The following NCOA1 variants were observed in gnomAD, a reference collection of about 807,000 sequenced individuals.
NCOA1 encodes nuclear receptor coactivator 1.
Under a neutral mutation model 150.9 loss-of-function variants are expected in NCOA1, and 35 were observed. The ratio of observed to expected loss-of-function variants is 0.23; its 90% confidence interval spans 0.18 to 0.31. NCOA1 has a LOEUF of 0.31. NCOA1 is among the 10% of genes least tolerant of loss of function. The pLI is 1.00. For missense variants in NCOA1, 1,491 were observed against 1,749.3 expected, an observed-to-expected ratio of 0.85 and a Z score of 2.63; for synonymous variants, 590 against 630.0, an observed-to-expected ratio of 0.94 and a Z score of 0.95.
intron 11 of NCOA1, among the ~76,000 whole-genome samples, chr2:24,702,169 A>G (rs536965367): frequency 1.3e-5 from 2 of 152,344 alleles, no homozygotes; most frequent in South Asian, 4.1e-4. Flanking sequence ...CCATGTAACA[A>G]CTGAAAATCT....
At chr2:24,599,193 G>A (rs936949873) in intron 3 of NCOA1, among the ~76,000 whole-genome samples, 3 of 152,168 alleles carry the variant, frequency 2.0e-5, no homozygotes, top group East Asian at 3.8e-4. Context: ...AGATGGGCAA[G>A]TGGAATATAA....
chr2:24,749,039 A>G (rs535026641), intron 19 of NCOA1, among the ~76,000 whole-genome samples: 1 of 152,388 alleles, frequency 6.6e-6, no homozygotes, highest in South Asian at 2.1e-4. Context: ...AAAAAAAGAA[A>G]GAAAGAACAC....
At chr2:24,651,630 T>TAAC (rs1478404605) in intron 4 of NCOA1, among the ~76,000 whole-genome samples, 1 of 152,074 alleles carries the variant, frequency 6.6e-6, no homozygotes, top group Non-Finnish European at 1.5e-5. Context: ...ATATATATAA[T>TAAC]AACCATTTTA....
At chr2:24,573,195 A>C (rs562913231) in intron 2 of NCOA1, among the ~76,000 whole-genome samples, 1 of 152,308 alleles carries the variant, frequency 6.6e-6, no homozygotes, top group East Asian at 1.9e-4. Flanking sequence ...AAGAGAAAAG[A>C]AAGCAGATAT....
chr2:24,751,695 T>C (rs1459508794), intron 19 of NCOA1, among the ~76,000 whole-genome samples: 1 of 152,178 alleles, frequency 6.6e-6, no homozygotes, highest in Non-Finnish European at 1.5e-5. Context: ...AAATAGATCA[T>C]ATACAATCCT....
rs1666947727 is a variant in NCOA1, at chr2:24,576,149, G to GTTTTTTTTTGTT, written c.-259-8318_-259-8317insGTTTTTTTTTTT. 8.7e-4 allele frequency among the ~76,000 whole-genome samples: 82 copies of GTTTTTTTTTGTT among 93,974 alleles called. 3 individuals carry two copies. The highest frequency in any genetic ancestry group is 1.2e-3 in the Non-Finnish European group (60 of 48,834). The allele number at this position is 93,974 out of a possible 152,430, so 61.7% of individuals were successfully genotyped here. A position where few individuals can be genotyped will look rare whatever the true frequency, so the allele number is the denominator to read the frequency against. ...GAGTTTCAGAAATTATTTGGCCTTTGTTTTTTTTTTTTTGTTTTTTGTTTT... is the reference window on the plus strand; with the variant it reads ...GAGTTTCAGAAATTATTTGGCCTTTGTTTTTTTTTGTTTTTTTTTTTTTTTGTTTTTTGTTTT... On this transcript the variant is annotated intron_variant, in intron 2 of 22. Transcript: ENST00000348332.
chr2:24,724,065 G>A (rs999805276), intron 14 of NCOA1, among the ~76,000 whole-genome samples: 3 of 149,774 alleles, frequency 2.0e-5, no homozygotes, highest in African/African-American at 2.5e-5. Flanking sequence ...ATATAAGGGG[G>A]GTTTTTTTGT....
chr2:24,732,988 A>C (rs866583228), intron 17 of NCOA1, among the ~76,000 whole-genome samples: 3 of 152,034 alleles, frequency 2.0e-5, no homozygotes, highest in Non-Finnish European at 1.5e-5. Context: ...GTCAGAACTG[A>C]GTCACATGTA....
At chr2:24,586,814 C>T (rs757189741) in intron 3 of NCOA1, among the ~76,000 whole-genome samples, 1 of 152,108 alleles carries the variant, frequency 6.6e-6, no homozygotes, top group African/African-American at 2.4e-5. Context: ...AGATCTCTGT[C>T]CTCTCAGAGA....
intron 7 of NCOA1, among the ~76,000 whole-genome samples, chr2:24,674,861 G>C (rs1184577283): frequency 6.6e-6 from 1 of 152,084 alleles, no homozygotes; most frequent in Non-Finnish European, 1.5e-5. Flanking sequence ...TGGTCCATAA[G>C]AAAACTGCTT....
At chr2:24,650,737 G>A (rs1318360301) in intron 4 of NCOA1, among the ~76,000 whole-genome samples, 3 of 152,042 alleles carry the variant, frequency 2.0e-5, no homozygotes, top group Admixed American at 6.6e-5. Flanking sequence ...AATGATCAAG[G>A]AAATGTAAGT....
intron 3 of NCOA1, among the ~76,000 whole-genome samples, chr2:24,634,364 A>G (rs1450648129): frequency 6.6e-6 from 1 of 152,192 alleles, no homozygotes; most frequent in East Asian, 1.9e-4. Context: ...GTTTTTCTTT[A>G]TATCTTTAAA....
At chr2:24,644,939 C>G (rs1013048820) in intron 4 of NCOA1, among the ~76,000 whole-genome samples, 10 of 152,262 alleles carry the variant, frequency 6.6e-5, no homozygotes, top group African/African-American at 2.2e-4. Flanking sequence ...GCTGCACGCC[C>G]ATTCACTTTT....
chr2:24,730,411 CTATT>C (rs981930330), intron 17 of NCOA1, among the ~76,000 whole-genome samples: 29 of 152,176 alleles, frequency 1.9e-4, no homozygotes, highest in African/African-American at 5.8e-4. Context: ...GAGATACAAA[CTATT>C]TAAGGGGAAC....
Position 24,751,997 on chromosome 2 carries a change from G to T in NCOA1, c.3722G>T (p.Gly1241Val). Residue 1241 changes from glycine (G) to valine (V), a missense_variant, in exon 20 of 23, where the codon GGT becomes GTT. By Grantham distance (109) the Gly-to-Val change is moderately radical (BLOSUM62 -3). Coordinates refer to ENST00000348332, the MANE Select transcript of NCOA1 (RefSeq NM_003743.5). ...QYPGAGMVPQ[G>V]EANFAPSLSP... ...CAATTTACAGGAATGGTTCCCCAAG[G>T]TGAGGCCAACTTTGCTCCATCTCTA... is the stretch of plus-strand genomic sequence containing the variant. 1 of 1,612,118 alleles carries T rather than the reference G, an allele frequency of 6.2e-7. No individual in the cohort carries two copies. Among genetic ancestry groups the T allele is most frequent in the Non-Finnish European group, 8.5e-7 (1 of 1,179,050 alleles).
At chr2:24,559,579 T>G (rs529255083) in intron 1 of NCOA1, among the ~76,000 whole-genome samples, 15 of 152,182 alleles carry the variant, frequency 9.9e-5, no homozygotes, top group Non-Finnish European at 1.8e-4. Flanking sequence ...ATTCAGGCCA[T>G]TTGTCCTGGG....
At chr2:24,735,356 A>T (rs1416516879) in intron 17 of NCOA1, among the ~76,000 whole-genome samples, 2 of 152,090 alleles carry the variant, frequency 1.3e-5, no homozygotes, top group Admixed American at 6.5e-5. Context: ...CTTATTGGTC[A>T]TATCCTCTCC....
chr2:24,724,560 G>C (rs1030695353), intron 14 of NCOA1, among the ~76,000 whole-genome samples: 3 of 151,658 alleles, frequency 2.0e-5, no homozygotes, highest in African/African-American at 7.3e-5. Context: ...GTTTGTTTTT[G>C]TTTGCTTAGT....
At chr2:24,641,332 ACTTAT>A (rs1471726099) in intron 3 of NCOA1, among the ~76,000 whole-genome samples, 1 of 151,398 alleles carries the variant, frequency 6.6e-6, no homozygotes, top group African/African-American at 2.4e-5. Context: ...TTGTATAATC[ACTTAT>A]CTTTTAAAGA....
Sources: gnomAD v4.1 joint callset for allele counts (sites outside exome capture counted in the v4.1 genomes callset) on GRCh38, gnomAD v4.1.1 for gene constraint, MANE v1.5 for transcripts, NCBI Gene and HGNC (gene_info 2026-07-23, HGNC 2026-07-21) for gene names.